The following ICA1 variants were observed in gnomAD, a reference collection of about 807,000 sequenced individuals.
ICA1 encodes islet cell autoantigen 1.
Under a neutral mutation model 71.0 loss-of-function variants are expected in ICA1, and 40 were observed. The observed-to-expected ratio is 0.56, with a 90% confidence interval of 0.44 to 0.73. The LOEUF (loss-of-function observed/expected upper bound fraction) is 0.73. ICA1 is among the 30% of genes least tolerant of loss of function. The pLI is 0.00. For missense variants in ICA1, 578 were observed against 576.5 expected, an observed-to-expected ratio of 1.00 and a Z score of -0.03; for synonymous variants, 207 against 209.5, an observed-to-expected ratio of 0.99 and a Z score of 0.10.
In ICA1 at chr7:8,145,764, A is replaced by ATATATATATATATATATATATG. The variant is rs55971486; in HGVS notation, c.805-1793_805-1792insCATATATATATATATATATATA. ...AATCATTGTGTATATATATATATAT[A>ATATATATATATATATATATATG]TATGTATATAAAATATATAGAGAGA... On this transcript the variant is annotated intron_variant, in intron 8 of 13. Transcript: ENST00000402384. Among the ~76,000 whole-genome samples, 234 of 136,286 alleles carry ATATATATATATATATATATATG rather than the reference A, an allele frequency of 1.7e-3. 8 individuals are homozygous for ATATATATATATATATATATATG. The highest frequency in any genetic ancestry group is 0.013 in the South Asian group (55 of 4,282). 89.4% of individuals were successfully genotyped at this position (136,286 alleles called of 152,430 possible). A position where few individuals can be genotyped will look rare whatever the true frequency, so the allele number is the denominator to read the frequency against.
rs1789869723 is a variant in ICA1 at position 8,127,875 on chromosome 7, T to C, written c.1328A>G (p.Gln443Arg). The C allele has an allele frequency of 1.2e-6, 2 of 1,611,626 alleles. No homozygotes were observed. The highest frequency in any genetic ancestry group is 8.5e-7 in the Non-Finnish European group (1 of 1,178,546). ...ATTTCAATCCCCACCTTACCTACCT[T>C]GTAGCGAGGCCTGTAAGTCTTTCAT... ...QNMKDLQASLQEPAKAASDLT... is the reference protein window; with the variant it reads ...QNMKDLQASLREPAKAASDLT... The change falls in exon 13 of 14, where the codon CAA becomes CGA. Residue 443 changes from glutamine to arginine, a missense_variant and splice_region_variant. Transcript: ENST00000402384.
rs531756299 is a variant in ICA1 at position 8,147,972 on chromosome 7, G to A, written c.805-4000C>T. Among the ~76,000 whole-genome samples the A allele has an allele frequency of 2.6e-5, 4 of 152,170 alleles. No individual in the cohort carries two copies. The East Asian group carries it at 7.7e-4, about 29-fold the overall frequency. On this transcript the variant is annotated intron_variant, in intron 8 of 13. Coordinates refer to ENST00000402384, the MANE Select transcript of ICA1 (RefSeq NM_001136020.3). ...CCATATCCCAAAGCTACACAAGTCA[G>A]GTGAATGTGCGATTCTACATGGTCC...
chr7:8,137,799 C>T (rs1476025748), intron 12 of ICA1, among the ~76,000 whole-genome samples: 4 of 152,304 alleles, frequency 2.6e-5, no homozygotes, highest in South Asian at 2.1e-4. Flanking sequence ...GCTAGAGGTG[C>T]GGTGCCTTTC....
chr7:8,181,615 T>C (rs1056281870), intron 6 of ICA1, among the ~76,000 whole-genome samples: 1 of 152,192 alleles, frequency 6.6e-6, no homozygotes, highest in Non-Finnish European at 1.5e-5. Flanking sequence ...TACATTCCTC[T>C]CTTTTCTTAA....
chr7:8,137,141 G>A lies in ICA1; in HGVS notation c.1060+1699C>T, dbSNP rs968778448. 3.7e-4 allele frequency among the ~76,000 whole-genome samples: 57 copies of A among 152,026 alleles called. 1 individual carries two copies. Among genetic ancestry groups the A allele is most frequent in the Admixed American group, 2.0e-3 (30 of 15,264 alleles). Reference sequence around the variant, plus strand: ...AAACACTAAGATACACTGGGGGATGGAAGTATTAGAATAGGGAGGGGGTTA... The same window carrying A: ...AAACACTAAGATACACTGGGGGATGAAAGTATTAGAATAGGGAGGGGGTTA... On this transcript the variant is annotated intron_variant, in intron 12 of 13. Transcript: ENST00000402384.
rs779896186 is a variant in ICA1 at position 8,114,059 on chromosome 7, G to C, written c.1331-15C>G. ...CTTAGCAGGTTCTGGGGAGAGAAGA[G>C]GAAACATGAGCAAACGCACCTTCCA... is the stretch of plus-strand genomic sequence containing the variant. On this transcript the variant is annotated splice_polypyrimidine_tract_variant and intron_variant, in intron 13 of 13. Coordinates refer to ENST00000402384, the MANE Select transcript of ICA1 (RefSeq NM_001136020.3). 6.2e-7 allele frequency: 1 copy of C among 1,614,056 alleles called. No individual in the cohort carries two copies. The highest frequency in any genetic ancestry group is 1.7e-5 in the Admixed American group (1 of 60,012).
rs568942474 is a variant in ICA1 at position 8,176,672 on chromosome 7, T to A, written c.580-18020A>T. On this transcript the variant is annotated intron_variant, in intron 6 of 13. Transcript: ENST00000402384. ...CCTTGCTTTTCCCACTACATAGTAC[T>A]GCTCTTCAACAGGGCACAACATGCT... Among the ~76,000 whole-genome samples the A allele has an allele frequency of 7.2e-5, 11 of 152,344 alleles. No homozygotes were observed. The South Asian group carries it at 1.9e-3, about 26-fold the overall frequency.
chr7:8,141,941 G>A lies in ICA1; in HGVS notation c.903-124C>T, dbSNP rs571054440. On this transcript the variant is annotated intron_variant, in intron 9 of 13. Transcript: ENST00000402384. ...ACACATACACCACACACACGCACAC[G>A]AAGAAGGGTCAACATATAGTCATTT... 13 of 1,377,596 alleles carry A rather than the reference G, an allele frequency of 9.4e-6. No individual in the cohort carries two copies. The East Asian group carries it at 1.0e-4, about 11-fold the overall frequency. The allele number at this position is 1,377,596 out of a possible 1,614,324, so 85.3% of individuals were successfully genotyped here. A position where few individuals can be genotyped will look rare whatever the true frequency, so the allele number is the denominator to read the frequency against.
chr7:8,174,045 T>C (rs766307793), intron 6 of ICA1, among the ~76,000 whole-genome samples: 9 of 152,104 alleles, frequency 5.9e-5, no homozygotes, highest in Admixed American at 2.0e-4. Context: ...AAAGACTTTC[T>C]GAGAAGGTGA....
chr7:8,175,128 G>T (rs138441996), intron 6 of ICA1, among the ~76,000 whole-genome samples: 23 of 152,102 alleles, frequency 1.5e-4, no homozygotes, highest in African/African-American at 4.6e-4. Context: ...AAAGAATGTG[G>T]GGGATAAAGC....
rs370477958 is a variant in ICA1, at chr7:8,234,983, G to C, written c.17+927C>G. ...GATCGAGACCATCCTGGCCAACATGGTGAAACCCCGTCTGTACTAAAAATA... is the reference window on the plus strand; with the variant it reads ...GATCGAGACCATCCTGGCCAACATGCTGAAACCCCGTCTGTACTAAAAATA... On this transcript the variant is annotated intron_variant, in intron 2 of 13. Transcript: ENST00000402384. The surrounding 1 kb of genome is among the most constrained non-coding windows in gnomAD (Gnocchi z 4.5). Among the ~76,000 whole-genome samples, 2 of 152,020 alleles carry C rather than the reference G, an allele frequency of 1.3e-5. No homozygotes were observed. The highest frequency in any genetic ancestry group is 3.9e-4 in the East Asian group (2 of 5,184).
chr7:8,171,689 A>T (rs961921205), intron 6 of ICA1, among the ~76,000 whole-genome samples: 5 of 133,226 alleles, frequency 3.8e-5, no homozygotes, highest in Admixed American at 3.3e-4. Context: ...CTAGTTTCTT[A>T]AGATAAAAAT....
At chr7:8,116,861 GA>G (rs1387391508) in intron 13 of ICA1, among the ~76,000 whole-genome samples, 1 of 152,164 alleles carries the variant, frequency 6.6e-6, no homozygotes, top group African/African-American at 2.4e-5. Flanking sequence ...ATATGAGGGG[GA>G]AAGAAATCCC....
chr7:8,188,981 T>C (rs1784703230), intron 6 of ICA1, among the ~76,000 whole-genome samples: 1 of 152,174 alleles, frequency 6.6e-6, no homozygotes, highest in African/African-American at 2.4e-5. Flanking sequence ...CCAGATTTGA[T>C]ACCCTGGGAG....
intron 6 of ICA1, among the ~76,000 whole-genome samples, chr7:8,165,241 C>T (rs1185780264): frequency 1.3e-5 from 2 of 152,178 alleles, no homozygotes; most frequent in Non-Finnish European, 2.9e-5. Flanking sequence ...CTTTAATTAA[C>T]AATTTATGTT....
chr7:8,212,352 GCCAGGAGCTTGAGA>G (rs944446294), intron 6 of ICA1, among the ~76,000 whole-genome samples: 3 of 152,146 alleles, frequency 2.0e-5, no homozygotes, highest in African/African-American at 7.2e-5. Context: ...ATCACTTGAG[GCCAGGAGCTTGAGA>G]CCAGCCTGGC....
At chr7:8,203,256 A>G (rs1790354463) in intron 6 of ICA1, among the ~76,000 whole-genome samples, 1 of 152,208 alleles carries the variant, frequency 6.6e-6, no homozygotes, top group African/African-American at 2.4e-5. Flanking sequence ...TAAAAAGCAC[A>G]TTAAGCCTTA....
intron 1 of ICA1, among the ~76,000 whole-genome samples, chr7:8,244,299 A>C (rs1458762558): frequency 2.0e-5 from 3 of 152,302 alleles, no homozygotes; most frequent in South Asian, 2.1e-4. Context: ...CAAAAACAAG[A>C]AATGGGGAAA....
chr7:8,189,938 G>T (rs1785058982), intron 6 of ICA1, among the ~76,000 whole-genome samples: 1 of 152,234 alleles, frequency 6.6e-6, no homozygotes, highest in Non-Finnish European at 1.5e-5. Flanking sequence ...TTCACTTGAA[G>T]GCCCACAGTA....
Sources: allele counts gnomAD v4.1 joint callset (sites outside exome capture counted in the v4.1 genomes callset), GRCh38; gene constraint gnomAD v4.1.1; non-coding constraint Gnocchi (gnomAD v3.1); transcripts MANE v1.5; gene names NCBI Gene and HGNC (gene_info 2026-07-23, HGNC 2026-07-21).